IQSEC1: variants seen among roughly 807,000 people sequenced by gnomAD.
IQSEC1 encodes IQ motif and Sec7 domain ArfGEF 1, also known as IQ motif and SEC7 domain-containing protein 1.
In IQSEC1, 31 loss-of-function variants were observed where a neutral mutation model predicts 91.0. The observed-to-expected ratio is 0.34, with a 90% confidence interval of 0.26 to 0.46. The LOEUF (loss-of-function observed/expected upper bound fraction) is 0.46, where lower values mean the gene tolerates loss of function less well. Among genes scored for constraint, IQSEC1 ranks in the 20% least tolerant of loss-of-function variants. IQSEC1 has a pLI of 1.00. For missense variants in IQSEC1, 1,388 were observed against 1,575.6 expected, an observed-to-expected ratio of 0.88 and a Z score of 2.02; for synonymous variants, 699 against 662.6, an observed-to-expected ratio of 1.05 and a Z score of -0.84.
intron 2 of IQSEC1, among the ~76,000 whole-genome samples, chr3:12,938,026 G>T (rs548338702): frequency 6.6e-6 from 1 of 152,200 alleles, no homozygotes; most frequent in Non-Finnish European, 1.5e-5. Flanking sequence ...GACCAAGGAC[G>T]GTCCTGAGGG....
intron 2 of IQSEC1, among the ~76,000 whole-genome samples, chr3:13,164,044 C>A (rs933090139): frequency 1.3e-5 from 2 of 152,174 alleles, no homozygotes; most frequent in Admixed American, 6.5e-5. Context: ...CACATGGTTT[C>A]ATCAACGCCG....
In IQSEC1 at chr3:12,953,701, G is replaced by A. The variant is rs114524660; in HGVS notation, c.24-11836C>T. Among the ~76,000 whole-genome samples, 345 of 152,240 alleles carry A rather than the reference G, an allele frequency of 2.3e-3. 1 individual carries two copies. The highest frequency in any genetic ancestry group is 7.7e-3 in the African/African-American group (319 of 41,530). The stretch of plus-strand genomic sequence containing the variant: ...CACATGAAGGAAGATGCAGTTTTTC[G>A]CACTGCCCCTGCCCTCTGGTCCCGA... On this transcript the variant is annotated intron_variant, in intron 1 of 13. Coordinates refer to ENST00000613206, the MANE Select transcript of IQSEC1 (RefSeq NM_001134382.3).
rs372057625 is a variant in IQSEC1 at position 12,908,380 on chromosome 3, G to A, written c.2724C>T (p.Leu908=). 2 of 1,612,254 alleles carry A rather than the reference G, an allele frequency of 1.2e-6. No individual in the cohort carries two copies. The highest frequency in any genetic ancestry group is 1.3e-5 in the African/African-American group (1 of 74,906). ...CCGAGAGGTCCCGCAGGGAGCTGCT[G>A]AGGGCGCTGCGCTTGAGGCCCTCAC... ...ASGEGLKRSA[L]SSSLRDLSEA... is the part of the protein sequence containing the mutation. The change falls in exon 12 of 14, where the codon CTC becomes CTT. Residue 908 remains leucine, a synonymous_variant. Transcript: ENST00000613206. This position sits in a 1 kb window ranked among gnomAD's most constrained non-coding sequence, Gnocchi z 4.9.
At chr3:13,208,287 T>G (rs983283280) in intron 1 of IQSEC1, among the ~76,000 whole-genome samples, 1 of 151,642 alleles carries the variant, frequency 6.6e-6, no homozygotes, top group East Asian at 1.9e-4. Context: ...TGCCTCCCAC[T>G]CTACAGAGAA....
At chr3:13,190,789 C>T (rs781705352) in intron 1 of IQSEC1, among the ~76,000 whole-genome samples, 7 of 152,104 alleles carry the variant, frequency 4.6e-5, no homozygotes, top group African/African-American at 7.2e-5. Flanking sequence ...GAGAGTAAGC[C>T]GTAAGTTAAA....
rs549333374 is a variant in IQSEC1, at chr3:12,983,780, C to T, written c.24-41915G>A. On this transcript the variant is annotated intron_variant, in intron 1 of 13. Coordinates refer to ENST00000613206, the MANE Select transcript of IQSEC1 (RefSeq NM_001134382.3). The surrounding 1 kb of genome is among the most constrained non-coding windows in gnomAD (Gnocchi z 4.3). ...CCGTGAGGATAAGAATAAGGTTGTC[C>T]GACATACCCCACTTATGCCCAGCCT... 1.3e-5 allele frequency among the ~76,000 whole-genome samples: 2 copies of T among 152,244 alleles called. No individual in the cohort carries two copies. Among genetic ancestry groups the T allele is most frequent in the South Asian group, 2.1e-4 (1 of 4,822 alleles).
chr3:13,013,210 C>T (rs187671714), intron 1 of IQSEC1, among the ~76,000 whole-genome samples: 3 of 152,342 alleles, frequency 2.0e-5, no homozygotes, highest in Admixed American at 2.0e-4. Context: ...ATCCGCCCGC[C>T]TTGGCCTCCC....
chr3:13,232,307 G>T (rs1034510819), intron 1 of IQSEC1, among the ~76,000 whole-genome samples: 2 of 152,216 alleles, frequency 1.3e-5, no homozygotes, highest in African/African-American at 4.8e-5. Context: ...GATCTGGGGG[G>T]CACCAACGCC....
intron 1 of IQSEC1, among the ~76,000 whole-genome samples, chr3:13,216,272 G>A (rs1441901259): frequency 6.6e-6 from 1 of 152,264 alleles, no homozygotes; most frequent in African/African-American, 2.4e-5. Flanking sequence ...CAGCGCAGCT[G>A]TAGAACAGCA....
chr3:13,122,776 C>T (rs777051299), intron 2 of IQSEC1, among the ~76,000 whole-genome samples: 1 of 152,230 alleles, frequency 6.6e-6, no homozygotes, highest in Non-Finnish European at 1.5e-5. Context: ...AGTGTGATTA[C>T]TGGATATGCC....
chr3:12,903,941 T>C (rs1694673937), intron 12 of IQSEC1, among the ~76,000 whole-genome samples: 1 of 152,208 alleles, frequency 6.6e-6, no homozygotes, highest in South Asian at 2.1e-4. Flanking sequence ...CACCCAGACC[T>C]GCTCACCCGA....
At chr3:13,014,379 G>A (rs186136667) in intron 1 of IQSEC1, among the ~76,000 whole-genome samples, 23 of 152,312 alleles carry the variant, frequency 1.5e-4, no homozygotes, top group Non-Finnish European at 3.1e-4. Context: ...AGAGATGTTG[G>A]GACATCTGTC....
rs1027032868 is a variant in IQSEC1, at chr3:12,900,239, T to G, written c.*744A>C. On this transcript the variant is annotated 3_prime_UTR_variant, in exon 14 of 14. Transcript: ENST00000613206. ...GTTACTTGGCACAGTTAGTAATGAT[T>G]GTGTAAAGATTTTAGCCAGTCCTAG... is the stretch of plus-strand genomic sequence containing the variant. 1 of 984,530 alleles carries G rather than the reference T, an allele frequency of 1.0e-6. No individual in the cohort carries two copies. Among genetic ancestry groups the G allele is most frequent in the Non-Finnish European group, 1.2e-6 (1 of 829,146 alleles). 61.0% of individuals were successfully genotyped at this position (984,530 alleles called of 1,614,324 possible). A position where few individuals can be genotyped will look rare whatever the true frequency, so the allele number is the denominator to read the frequency against.
At chr3:13,034,771 G>A (rs905723769) in intron 1 of IQSEC1, among the ~76,000 whole-genome samples, 5 of 152,216 alleles carry the variant, frequency 3.3e-5, no homozygotes, top group Non-Finnish European at 7.3e-5. Flanking sequence ...CTGACCCTCT[G>A]GGGTATTTCT....
chr3:13,275,178 T>C (rs1430428352), intron 1 of IQSEC1, among the ~76,000 whole-genome samples: 2 of 152,224 alleles, frequency 1.3e-5, no homozygotes, highest in Non-Finnish European at 2.9e-5. Flanking sequence ...TGGAGAAGAA[T>C]GTGCCCAGCA....
chr3:13,059,129 C>A (rs886137279), intron 1 of IQSEC1, among the ~76,000 whole-genome samples: 1 of 152,114 alleles, frequency 6.6e-6, no homozygotes, highest in South Asian at 2.1e-4. Flanking sequence ...TCCTTCCACC[C>A]CCGACCTCCA....
At chr3:12,904,969 C>T (rs1310660205) in intron 12 of IQSEC1, among the ~76,000 whole-genome samples, 3 of 152,204 alleles carry the variant, frequency 2.0e-5, no homozygotes, top group African/African-American at 7.2e-5. Flanking sequence ...GAGTGTCTTA[C>T]AATCTACTTT....
upstream of IQSEC1, among the ~76,000 whole-genome samples, chr3:13,075,967 C>T (rs183282785): frequency 6.6e-6 from 1 of 152,296 alleles, no homozygotes; most frequent in East Asian, 1.9e-4. Context: ...CCCAAGCCCT[C>T]GACATCCAAT....
chr3:13,066,415 C>G (rs1033695722), intron 1 of IQSEC1, among the ~76,000 whole-genome samples: 1 of 152,248 alleles, frequency 6.6e-6, no homozygotes, highest in Non-Finnish European at 1.5e-5. Context: ...ACAGCGAGGA[C>G]TCGCCACGCG....
Sources: gnomAD v4.1 joint callset for allele counts (sites outside exome capture counted in the v4.1 genomes callset) on GRCh38, gnomAD v4.1.1 for gene constraint, Gnocchi (gnomAD v3.1) non-coding constraint, MANE v1.5 for transcripts, NCBI Gene and HGNC (gene_info 2026-07-23, HGNC 2026-07-21) for gene names.